DHDH: variants seen among roughly 807,000 people sequenced by gnomAD.
DHDH encodes trans-1,2-dihydrobenzene-1,2-diol dehydrogenase.
A neutral mutation model predicts 33.2 loss-of-function variants in DHDH; 29 were observed. That is an observed-to-expected ratio of 0.87 (90% CI 0.65 to 1.19). The LOEUF is 1.19. Among genes scored for constraint, DHDH ranks in the 50% most tolerant of loss-of-function variants. The probability of loss-of-function intolerance (pLI) is 0.00; values close to 1 mark genes in which losing one functional copy is unlikely to be tolerated. For missense variants in DHDH, 431 were observed against 455.0 expected, an observed-to-expected ratio of 0.95 and a Z score of 0.48; for synonymous variants, 201 against 187.9, an observed-to-expected ratio of 1.07 and a Z score of -0.57.
rs1254050324 is a variant in DHDH, at chr19:48,939,527, G to C, written c.445G>C (p.Val149Leu). 1 of 1,613,996 alleles carries C rather than the reference G, an allele frequency of 6.2e-7. No individual in the cohort carries two copies. Among genetic ancestry groups the C allele is most frequent in the Non-Finnish European group, 8.5e-7 (1 of 1,180,040 alleles). ...CCAGGGAACTCTAGGAGACCTCCGG[G>C]TGGCTCGGGCAGAATTTGGGAAGAA... ...LAQGTLGDLRVARAEFGKNLI... is the reference protein window; with the variant it reads ...LAQGTLGDLRLARAEFGKNLI... The change falls in exon 4 of 7, where the codon GTG becomes CTG. Residue 149 changes from valine to leucine, a missense_variant. Val to Leu is a conservative substitution (Grantham distance 32, BLOSUM62 1). Transcript: ENST00000221403.
intron 2 of DHDH, 61 bp downstream of exon 2, chr19:48,935,172 C>G (rs1247279628): frequency 2.2e-6 from 3 of 1,361,348 alleles, no homozygotes; most frequent in Non-Finnish European, 3.0e-6. Flanking sequence ...CCCCTGGCTG[C>G]CCCCTGGGAG....
intron 3 of DHDH, among the ~76,000 whole-genome samples, chr19:48,937,669 G>A (rs911629568): frequency 7.2e-5 from 11 of 151,886 alleles, no homozygotes; most frequent in Non-Finnish European, 1.0e-4. Context: ...AAAATTAGCC[G>A]GGCGTGGTGG....
chr19:48,936,309 G>A (rs528746929), intron 3 of DHDH, 114 bp downstream of exon 3: 63 of 1,351,766 alleles, frequency 4.7e-5, no homozygotes, highest in Admixed American at 2.3e-4. Context: ...GAATCTCCTT[G>A]GCAGCATCTA....
At chr19:48,933,684 G>GGAGGGACCGAAGGTGCC (rs767000496), upstream of DHDH, 4 of 1,607,092 alleles carry the variant, frequency 2.5e-6, no homozygotes, top group East Asian at 4.5e-5. Context: ...ATTCGCGCCT[G>GGAGGGACCGAAGGTGCC]GAGGGACCGA....
In DHDH at chr19:48,933,744, T is replaced by C; in HGVS notation, c.23T>C (p.Val8Ala). MALRWGI[V>A]SVGLISSDFT... ...ACCATGGCGCTGCGCTGGGGCATCG[T>C]GTCTGTCGGCCTCATCTCCAGCGAC... Residue 8 changes from valine (V) to alanine (A), a missense_variant, in exon 1 of 7, where the codon GTG becomes GCG. By Grantham distance (64) the Val-to-Ala change is moderately conservative (BLOSUM62 0). Transcript: ENST00000221403. 3 of 1,613,412 alleles carry C rather than the reference T, an allele frequency of 1.9e-6. No individual in the cohort carries two copies. The highest frequency in any genetic ancestry group is 2.5e-6 in the Non-Finnish European group (3 of 1,179,994).
intron 4 of DHDH, among the ~76,000 whole-genome samples, chr19:48,940,712 T>G (rs979275338): frequency 6.6e-6 from 1 of 151,952 alleles, no homozygotes; most frequent in African/African-American, 2.4e-5. Context: ...AAAAAATTAG[T>G]TGGGCGTGGT....
chr19:48,941,225 G>A (rs1423816176), intron 4 of DHDH, among the ~76,000 whole-genome samples: 1 of 151,988 alleles, frequency 6.6e-6, no homozygotes, highest in Non-Finnish European at 1.5e-5. Flanking sequence ...CCTCCACCTG[G>A]CCTCTCCAGC....
intron 3 of DHDH, among the ~76,000 whole-genome samples, chr19:48,938,253 C>T (rs1164730267): frequency 4.6e-5 from 7 of 151,950 alleles, no homozygotes; most frequent in African/African-American, 9.7e-5. Context: ...TGCACCACCA[C>T]GCCCGGCTAA....
In DHDH at chr19:48,936,168, C is replaced by T. The variant is rs2037772217; in HGVS notation, c.339C>T (p.Ala113=). The change falls in exon 3 of 7, where the codon GCC becomes GCT. Residue 113 remains alanine, a synonymous_variant. Coordinates refer to ENST00000221403, the MANE Select transcript of DHDH (RefSeq NM_014475.4). ...AAEVREMVAE[A]RSRALFLMEA... is the part of the protein sequence containing the mutation. Reference sequence around the variant, plus strand: ...AAGTTCGCGAGATGGTCGCGGAGGCCCGATCCCGAGCCCTCTTCCTTATGG... The same window carrying T: ...AAGTTCGCGAGATGGTCGCGGAGGCTCGATCCCGAGCCCTCTTCCTTATGG... 6.2e-7 allele frequency: 1 copy of T among 1,602,038 alleles called. No homozygotes were observed. The highest frequency in any genetic ancestry group is 8.5e-7 in the Non-Finnish European group (1 of 1,175,562).
intron 2 of DHDH, 101 bp from the exon 3 acceptor site, chr19:48,935,931 A>G: frequency 1.4e-6 from 2 of 1,466,692 alleles, no homozygotes; most frequent in Non-Finnish European, 9.2e-7. Context: ...GTGACCGACC[A>G]CCTGGTCCCT....
At chr19:48,940,691 G>A (rs987977377) in intron 4 of DHDH, among the ~76,000 whole-genome samples, 5 of 151,988 alleles carry the variant, frequency 3.3e-5, no homozygotes, top group Non-Finnish European at 5.9e-5. Flanking sequence ...CTGTCTCTAC[G>A]AAAAGTGCAA....
At chr19:48,942,416 C>T in intron 4 of DHDH, 24 bp from the exon 5 acceptor site, 1 of 1,582,928 alleles carries the variant, frequency 6.3e-7, no homozygotes, top group Non-Finnish European at 8.6e-7. Flanking sequence ...AGAGACCCTG[C>T]CCTGACCCAG....
rs756653800 is a variant in DHDH, at chr19:48,933,702, G to C, written c.-20G>C. The C allele has an allele frequency of 1.9e-5, 30 of 1,612,746 alleles. No homozygotes were observed. Among genetic ancestry groups the C allele is most frequent in the Admixed American group, 5.0e-5 (3 of 60,024 alleles). ...CGCGCCTGGAGGGACCGAAGGTGCC[G>C]AGGGCTCCGCATCGCAACCATGGCG... On this transcript the variant is annotated 5_prime_UTR_variant, in exon 1 of 7. Coordinates refer to ENST00000221403, the MANE Select transcript of DHDH (RefSeq NM_014475.4).
In DHDH at chr19:48,934,340, A is replaced by G. The variant is rs565901116; in HGVS notation, c.90+529A>G. The stretch of plus-strand genomic sequence containing the variant: ...TCCCCCCACTGAGAAAGCCTGAGAT[A>G]TGGCCTCGTGGGAAAGGAAGACCTT... On this transcript the variant is annotated intron_variant, in intron 1 of 6. Coordinates refer to ENST00000221403, the MANE Select transcript of DHDH (RefSeq NM_014475.4). Among the ~76,000 whole-genome samples, 10 of 152,326 alleles carry G rather than the reference A, an allele frequency of 6.6e-5. No individual in the cohort carries two copies. The South Asian group carries it at 2.1e-3, about 32-fold the overall frequency.
At chr19:48,942,674 T>TA in intron 5 of DHDH, 110 bp downstream of exon 5, 1 of 1,470,536 alleles carries the variant, frequency 6.8e-7, no homozygotes, top group Non-Finnish European at 9.1e-7. Flanking sequence ...ACATCATTGC[T>TA]AAAGAGTTCC....
chr19:48,936,616 A>G (rs950732939), intron 3 of DHDH, among the ~76,000 whole-genome samples: 4 of 150,400 alleles, frequency 2.7e-5, no homozygotes, highest in African/African-American at 9.8e-5. Context: ...GAATGGCGTG[A>G]ACCCGGGAGG....
At chr19:48,942,324 T>C in intron 4 of DHDH, 116 bp from the exon 5 acceptor site, 1 of 1,186,044 alleles carries the variant, frequency 8.4e-7, no homozygotes, top group East Asian at 2.8e-5. Context: ...TCTTTTGCCT[T>C]GCCATGCAAG....
rs185882355 is a variant in DHDH, at chr19:48,944,805, A to G, written c.896-19A>G. ...GGGCGCGTGGGTAGGAGGGGTCCCTAACTACACTCTCCCCACAGGTATGAA... is the reference window on the plus strand; with the variant it reads ...GGGCGCGTGGGTAGGAGGGGTCCCTGACTACACTCTCCCCACAGGTATGAA... On this transcript the variant is annotated intron_variant, in intron 6 of 6. Transcript: ENST00000221403. 850 of 1,606,474 alleles carry G rather than the reference A, an allele frequency of 5.3e-4. 1 individual carries two copies. Among genetic ancestry groups the G allele is most frequent in the Middle Eastern group, 2.2e-3 (11 of 4,928 alleles).
chr19:48,936,227 C>G, intron 3 of DHDH, 32 bp downstream of exon 3: 1 of 1,536,282 alleles, frequency 6.5e-7, no homozygotes, highest in Non-Finnish European at 8.7e-7. Flanking sequence ...CAATATCCAG[C>G]GTAAAAGTGC....
Sources: gnomAD v4.1 joint callset for allele counts (sites outside exome capture counted in the v4.1 genomes callset) on GRCh38, gnomAD v4.1.1 for gene constraint, MANE v1.5 for transcripts, NCBI Gene and HGNC (gene_info 2026-07-23, HGNC 2026-07-21) for gene names.